Variants in IQCH observed in about 807,000 individuals in gnomAD.
IQCH encodes the protein IQ motif containing H, also known as IQ domain-containing protein H.
In IQCH, 98 loss-of-function variants were observed where a neutral mutation model predicts 117.0. The ratio of observed to expected loss-of-function variants is 0.84; its 90% confidence interval spans 0.71 to 0.99. IQCH has a LOEUF of 0.99. IQCH is among the 50% of genes least tolerant of loss of function. The pLI is 0.00. For missense variants in IQCH, 1,102 were observed against 1,243.8 expected (o/e 0.89, Z 1.72); for synonymous variants, 412 against 448.2 (o/e 0.92, Z 1.02).
chr15:67,339,646 T>C (rs1263067385), intron 5 of IQCH, among the ~76,000 whole-genome samples: 1 of 152,164 alleles, frequency 6.6e-6, no homozygotes, highest in African/African-American at 2.4e-5. Flanking sequence ...TAAAAGGATA[T>C]CCAGTGATCC....
chr15:67,494,571 G>C lies in IQCH; in HGVS notation c.2970+205G>C, dbSNP rs887267032. Among the ~76,000 whole-genome samples, 1 of 152,158 alleles carries C rather than the reference G, an allele frequency of 6.6e-6. No homozygotes were observed. Among genetic ancestry groups the C allele is most frequent in the African/African-American group, 2.4e-5 (1 of 41,428 alleles). On this transcript the variant is annotated intron_variant, in intron 20 of 20. Coordinates refer to ENST00000335894, the MANE Select transcript of IQCH (RefSeq NM_001031715.3). This position sits in a 1 kb window ranked among gnomAD's most constrained non-coding sequence, Gnocchi z 5.5. ...TTTGAAACTTTTTCTTTGAAATAGAGTTGACTTTTAACTTGCTGCCATTTT... is the reference window on the plus strand; with the variant it reads ...TTTGAAACTTTTTCTTTGAAATAGACTTGACTTTTAACTTGCTGCCATTTT...
chr15:67,291,220 A>G (rs1416202185), intron 4 of IQCH, among the ~76,000 whole-genome samples: 1 of 152,190 alleles, frequency 6.6e-6, no homozygotes, highest in Non-Finnish European at 1.5e-5. Flanking sequence ...AAAAAGGTGA[A>G]GCCATTCTAA....
chr15:67,315,550 C>T (rs181797652), intron 4 of IQCH, among the ~76,000 whole-genome samples: 10 of 152,146 alleles, frequency 6.6e-5, no homozygotes, highest in East Asian at 3.9e-4. Flanking sequence ...TTACTGGTAA[C>T]GAAACTTCAG....
chr15:67,361,791 G>A (rs1326638858), intron 8 of IQCH, among the ~76,000 whole-genome samples: 1 of 152,168 alleles, frequency 6.6e-6, no homozygotes, highest in Non-Finnish European at 1.5e-5. Context: ...AATAAAAAAT[G>A]ATAGTAGAGT....
At chr15:67,273,166 G>C (rs1965977024) in intron 3 of IQCH, among the ~76,000 whole-genome samples, 1 of 152,082 alleles carries the variant, frequency 6.6e-6, no homozygotes, top group African/African-American at 2.4e-5. Flanking sequence ...TGCCTCCCAG[G>C]TTCAGGCAAT....
chr15:67,361,392 G>A (rs1056156166), intron 8 of IQCH, among the ~76,000 whole-genome samples: 3 of 152,120 alleles, frequency 2.0e-5, no homozygotes, highest in Non-Finnish European at 2.9e-5. Flanking sequence ...TTATCATTCA[G>A]TTAGTCATCC....
chr15:67,340,238 G>C (rs941517426), intron 5 of IQCH, among the ~76,000 whole-genome samples: 5 of 151,892 alleles, frequency 3.3e-5, no homozygotes, highest in African/African-American at 1.2e-4. Context: ...AACCAGCCTG[G>C]CCAACATGGC....
rs1218920211 is a variant in IQCH at position 67,447,994 on chromosome 15, A to C, written c.2506-17133A>C. Among the ~76,000 whole-genome samples, 1 of 152,200 alleles carries C rather than the reference A, an allele frequency of 6.6e-6. No individual in the cohort carries two copies. The highest frequency in any genetic ancestry group is 1.5e-5 in the Non-Finnish European group (1 of 68,032). On this transcript the variant is annotated intron_variant, in intron 16 of 20. Transcript: ENST00000335894. This position sits in a 1 kb window ranked among gnomAD's most constrained non-coding sequence, Gnocchi z 5.3. ...TGTAGCAGGTATTTTCTACCCATAC[A>C]TGGCAAAGCTTTTTAAGGTTTAGAC... is the stretch of plus-strand genomic sequence containing the variant.
chr15:67,357,848 A>G (rs1969957938), intron 7 of IQCH, among the ~76,000 whole-genome samples: 1 of 135,778 alleles, frequency 7.4e-6, no homozygotes, highest in Admixed American at 7.5e-5. Flanking sequence ...AGAATTCTGT[A>G]TTATCATTAT....
Position 67,465,404 on chromosome 15 carries a change from A to T in IQCH, c.2676+107A>T. On this transcript the variant is annotated intron_variant, in intron 17 of 20. Coordinates refer to ENST00000335894, the MANE Select transcript of IQCH (RefSeq NM_001031715.3). This position sits in a 1 kb window ranked among gnomAD's most constrained non-coding sequence, Gnocchi z 5.9. Reference sequence around the variant, plus strand: ...ATCTTTGAGTACAGGAAGAAGAAAGAGCCTAAGGCAAGTCATTGGACTTGT... The same window carrying T: ...ATCTTTGAGTACAGGAAGAAGAAAGTGCCTAAGGCAAGTCATTGGACTTGT... The T allele has an allele frequency of 2.5e-6, 3 of 1,207,692 alleles. No homozygotes were observed. Among genetic ancestry groups the T allele is most frequent in the Non-Finnish European group, 3.5e-6 (3 of 862,566 alleles). 74.8% of individuals were successfully genotyped at this position (1,207,692 alleles called of 1,614,324 possible).
chr15:67,255,887 T>C (rs1387092402), intron 1 of IQCH, among the ~76,000 whole-genome samples: 1 of 152,202 alleles, frequency 6.6e-6, no homozygotes, highest in Non-Finnish European at 1.5e-5. Context: ...TAATCTTACC[T>C]GATCTTTTCT....
Position 67,261,370 on chromosome 15 carries a change from C to G in IQCH, c.150C>G (p.Ile50Met). 6.3e-7 allele frequency: 1 copy of G among 1,589,210 alleles called. No homozygotes were observed. The highest frequency in any genetic ancestry group is 8.5e-7 in the Non-Finnish European group (1 of 1,173,204). Residue 50 changes from isoleucine (I) to methionine (M), a missense_variant, in exon 2 of 21, where the codon ATC (isoleucine) becomes ATG (methionine). Transcript: ENST00000335894. ...ACATTCAGAGTCTTGAAACAGCAAT[C>G]AAAAGGACTGAAGTGGGGTTAAGAG... ...TLDIQSLETA[I>M]KRTEVGLRIH...
rs2082962188 is a variant in IQCH at position 67,467,366 on chromosome 15, C to T, written c.2676+2069C>T. 6.6e-6 allele frequency among the ~76,000 whole-genome samples: 1 copy of T among 152,194 alleles called. No homozygotes were observed. The highest frequency in any genetic ancestry group is 1.5e-5 in the Non-Finnish European group (1 of 68,036). ...GAGTGAGAAGCACTCTTCCATTTTC[C>T]CCATGTTGCCTATAGGTTTCATTCC... On this transcript the variant is annotated intron_variant, in intron 17 of 20. Transcript: ENST00000335894. The surrounding 1 kb of genome is among the most constrained non-coding windows in gnomAD (Gnocchi z 5.7).
At chr15:67,409,174 C>T (rs1210164069) in intron 14 of IQCH, among the ~76,000 whole-genome samples, 1 of 152,142 alleles carries the variant, frequency 6.6e-6, no homozygotes, top group Non-Finnish European at 1.5e-5. Flanking sequence ...CTCACATACA[C>T]CATGAACCAA....
At position 67,356,754 on chromosome 15, in the gene IQCH, G is replaced by A. The variant is rs1381400513; in HGVS notation, c.638-591G>A. Among the ~76,000 whole-genome samples, 8 of 152,216 alleles carry A rather than the reference G, an allele frequency of 5.3e-5. No individual in the cohort carries two copies. The East Asian group carries it at 5.8e-4, about 11-fold the overall frequency. ...AGTCAGGTTTGCTGCTAGGCAGTAG[G>A]AGAGATGTGATTGAGAGCATTATCT... On this transcript the variant is annotated intron_variant, in intron 6 of 20. Transcript: ENST00000335894. The surrounding 1 kb of genome is among the most constrained non-coding windows in gnomAD (Gnocchi z 5.3).
At chr15:67,269,413 T>C (rs1322774972) in intron 3 of IQCH, among the ~76,000 whole-genome samples, 2 of 152,200 alleles carry the variant, frequency 1.3e-5, no homozygotes, top group African/African-American at 4.8e-5. Context: ...TTTGATACCT[T>C]CTTCTAATGT....
intron 15 of IQCH, among the ~76,000 whole-genome samples, chr15:67,418,846 G>T (rs1384083360): frequency 6.6e-6 from 1 of 151,868 alleles, no homozygotes; most frequent in Non-Finnish European, 1.5e-5. Flanking sequence ...CCGAAGTGCT[G>T]GGATTACAGG....
Position 67,408,343 on chromosome 15 carries a change from T to C in IQCH, c.2097+8038T>C, listed in dbSNP as rs1473030936. ...TGCGCCATTTGCTTCTGGTCGTCTG[T>C]CCTTGGTGCCCCTCGGTGAGACAGG... On this transcript the variant is annotated intron_variant, in intron 14 of 20. Transcript: ENST00000335894. The surrounding 1 kb of genome is among the most constrained non-coding windows in gnomAD (Gnocchi z 4.2). 1 of 152,248 alleles carries C rather than the reference T, an allele frequency of 6.6e-6. No individual in the cohort carries two copies. Among genetic ancestry groups the C allele is most frequent in the Non-Finnish European group, 1.5e-5 (1 of 68,046 alleles). 9.4% of individuals were successfully genotyped at this position (152,248 alleles called of 1,614,324 possible).
rs556640984 is a variant in IQCH, at chr15:67,443,009, T to C, written c.2505+21432T>C. ...TGGAGACTGTTATTCTTTTTTTTTT[T>C]TGAGATGGAGTCTTGCTGTTTCGCC... On this transcript the variant is annotated intron_variant, in intron 16 of 20. Transcript: ENST00000335894. This position sits in a 1 kb window ranked among gnomAD's most constrained non-coding sequence, Gnocchi z 5.0. Among the ~76,000 whole-genome samples, 110 of 152,108 alleles carry C rather than the reference T, an allele frequency of 7.2e-4. No individual in the cohort carries two copies. The highest frequency in any genetic ancestry group is 1.2e-3 in the Non-Finnish European group (79 of 67,986).
Sources: gnomAD v4.1 joint callset for allele counts (sites outside exome capture counted in the v4.1 genomes callset) on GRCh38, gnomAD v4.1.1 for gene constraint, Gnocchi (gnomAD v3.1) non-coding constraint, MANE v1.5 for transcripts, NCBI Gene and HGNC (gene_info 2026-07-23, HGNC 2026-07-21) for gene names.